Variants in OSBPL10 observed in about 807,000 individuals in gnomAD.
OSBPL10 encodes oxysterol binding protein like 10, also known as oxysterol-binding protein-related protein 10.
OSBPL10 carries 49 observed loss-of-function variants against 81.7 expected under a neutral mutation model. That is an observed-to-expected ratio of 0.60 (90% CI 0.48 to 0.76). The LOEUF (loss-of-function observed/expected upper bound fraction) is 0.76. Ranked by LOEUF, OSBPL10 falls within the 30% of genes least tolerant of loss-of-function variation. The probability of loss-of-function intolerance (pLI) is 0.00; values close to 1 mark genes in which losing one functional copy is unlikely to be tolerated. For missense variants in OSBPL10, 923 were observed against 987.8 expected (o/e 0.93, Z 0.88); for synonymous variants, 419 against 383.6 (o/e 1.09, Z -1.08).
At chr3:31,827,934 G>A (rs555159925) in intron 4 of OSBPL10, among the ~76,000 whole-genome samples, 42 of 152,054 alleles carry the variant, frequency 2.8e-4, no homozygotes, top group Non-Finnish European at 5.3e-4. Context: ...TGAATCAAAC[G>A]CTACTAATTA....
intron 3 of OSBPL10, among the ~76,000 whole-genome samples, chr3:31,838,877 T>A (rs1344335923): frequency 6.6e-6 from 1 of 152,224 alleles, no homozygotes; most frequent in East Asian, 1.9e-4. Context: ...AGGAGTAATG[T>A]TTGATGGGCA....
At chr3:32,004,090 A>G (rs1699179137) in intron 2 of OSBPL10, among the ~76,000 whole-genome samples, 1 of 152,180 alleles carries the variant, frequency 6.6e-6, no homozygotes, top group Non-Finnish European at 1.5e-5. Flanking sequence ...AAAGAATTTT[A>G]AATTATTGAA....
intron 2 of OSBPL10, among the ~76,000 whole-genome samples, chr3:31,998,848 C>G (rs1420532939): frequency 6.6e-6 from 1 of 152,138 alleles, no homozygotes; most frequent in Non-Finnish European, 1.5e-5. Flanking sequence ...GGAGAGTTTC[C>G]AACTAAAACA....
At chr3:32,006,574 C>T (rs919453230) in intron 2 of OSBPL10, among the ~76,000 whole-genome samples, 2 of 152,072 alleles carry the variant, frequency 1.3e-5, no homozygotes, top group Non-Finnish European at 2.9e-5. Flanking sequence ...CTTTTTTTAA[C>T]TTTATAGTTT....
intron 3 of OSBPL10, among the ~76,000 whole-genome samples, chr3:31,844,119 G>A (rs1157228659): frequency 6.6e-6 from 1 of 152,216 alleles, no homozygotes; most frequent in Non-Finnish European, 1.5e-5. Context: ...TAGGATTCCT[G>A]TAACAAAGCA....
intron 2 of OSBPL10, among the ~76,000 whole-genome samples, chr3:32,000,808 C>T (rs1699137758): frequency 2.0e-5 from 3 of 152,186 alleles, no homozygotes; most frequent in Admixed American, 2.0e-4. Context: ...TGCTCTTTGA[C>T]TCCGGCCATG....
intron 1 of OSBPL10, among the ~76,000 whole-genome samples, chr3:31,976,935 T>C (rs1176010270): frequency 6.6e-6 from 1 of 152,214 alleles, no homozygotes; most frequent in Non-Finnish European, 1.5e-5. Flanking sequence ...AATAACAATT[T>C]CTAGATCCAA....
At chr3:31,865,581 T>C (rs1575589757) in intron 3 of OSBPL10, among the ~76,000 whole-genome samples, 1 of 152,172 alleles carries the variant, frequency 6.6e-6, no homozygotes, top group South Asian at 2.1e-4. Context: ...GGTGGGCCTT[T>C]GGGAGGTGAT....
chr3:31,758,800 C>T (rs1184080104), intron 4 of OSBPL10, among the ~76,000 whole-genome samples: 2 of 152,166 alleles, frequency 1.3e-5, no homozygotes, highest in African/African-American at 4.8e-5. Flanking sequence ...ATTCATGATT[C>T]CTCCTATAGC....
At chr3:31,926,194 T>C (rs6774204) in intron 1 of OSBPL10, among the ~76,000 whole-genome samples, 48,487 of 152,014 alleles carry the variant, frequency 0.32, 7,880 homozygotes, top group East Asian at 0.43. Context: ...AACAAATGTT[T>C]ATTCATTTTC....
chr3:31,837,121 C>T (rs1700373641), intron 3 of OSBPL10, among the ~76,000 whole-genome samples: 1 of 151,776 alleles, frequency 6.6e-6, no homozygotes, highest in Non-Finnish European at 1.5e-5. Context: ...TAAATAAAGA[C>T]CTCATCATCC....
chr3:32,008,501 T>G (rs1699224782), intron 2 of OSBPL10, among the ~76,000 whole-genome samples: 1 of 149,524 alleles, frequency 6.7e-6, no homozygotes, highest in South Asian at 2.1e-4. Flanking sequence ...GAGGCCAAGG[T>G]GGGCAGATTA....
At chr3:31,746,292 G>C (rs1206806246) in intron 5 of OSBPL10, among the ~76,000 whole-genome samples, 1 of 152,182 alleles carries the variant, frequency 6.6e-6, no homozygotes, top group African/African-American at 2.4e-5. Flanking sequence ...GTGGGGCACA[G>C]AGCTGGAGGC....
chr3:31,813,729 A>T (rs1298158476), intron 4 of OSBPL10, among the ~76,000 whole-genome samples: 1 of 152,136 alleles, frequency 6.6e-6, no homozygotes, highest in Non-Finnish European at 1.5e-5. Flanking sequence ...TCCCTGGCTC[A>T]AATTCCAGCC....
chr3:31,741,226 T>C (rs1410976754), intron 5 of OSBPL10, among the ~76,000 whole-genome samples: 3 of 152,228 alleles, frequency 2.0e-5, no homozygotes, highest in Non-Finnish European at 2.9e-5. Context: ...TTAAGACATA[T>C]TCCCAGTGGA....
intron 2 of OSBPL10, among the ~76,000 whole-genome samples, chr3:31,996,502 G>GGGA (rs1699090948): frequency 6.6e-6 from 1 of 151,824 alleles, no homozygotes; most frequent in Non-Finnish European, 1.5e-5. Flanking sequence ...ATTGCCAGGG[G>GGGA]GAGAAGGGGG....
At chr3:31,692,012 T>G (rs907094082) in intron 7 of OSBPL10, among the ~76,000 whole-genome samples, 6 of 152,198 alleles carry the variant, frequency 3.9e-5, no homozygotes, top group African/African-American at 1.4e-4. Flanking sequence ...CATTTCATGG[T>G]GCCTGAAACA....
At chr3:31,873,079 A>G (rs1046183436) in intron 3 of OSBPL10, among the ~76,000 whole-genome samples, 9 of 152,204 alleles carry the variant, frequency 5.9e-5, no homozygotes, top group African/African-American at 2.2e-4. Flanking sequence ...TAAAGGGGGT[A>G]ACGAGGGAAC....
intron 4 of OSBPL10, among the ~76,000 whole-genome samples, chr3:31,827,747 G>C (rs1700136751): frequency 1.3e-5 from 2 of 152,098 alleles, no homozygotes; most frequent in African/African-American, 4.8e-5. Context: ...GTTAACAGTG[G>C]TTATCTGTAG....
Sources: gnomAD v4.1 joint callset for allele counts (sites outside exome capture counted in the v4.1 genomes callset) on GRCh38, gnomAD v4.1.1 for gene constraint, MANE v1.5 for transcripts, NCBI Gene and HGNC (gene_info 2026-07-23, HGNC 2026-07-21) for gene names.